Variants in CACNB4 observed in about 807,000 individuals in gnomAD.
CACNB4 encodes calcium voltage-gated channel auxiliary subunit beta 4.
In CACNB4, 32 loss-of-function variants were observed where a neutral mutation model predicts 71.2. The observed-to-expected ratio is 0.45, with a 90% confidence interval of 0.34 to 0.60. The LOEUF is 0.60. CACNB4 is among the 20% of genes least tolerant of loss of function. The pLI is 0.01. For synonymous variants in CACNB4, 231 were observed against 236.9 expected (o/e 0.97, Z 0.23); for missense variants, 464 against 647.9 (o/e 0.72, Z 3.08).
intron 2 of CACNB4, among the ~76,000 whole-genome samples, chr2:152,049,625 C>T (rs1685317367): frequency 6.6e-6 from 1 of 151,918 alleles, no homozygotes; most frequent in African/African-American, 2.4e-5. Flanking sequence ...CTCTCTCTCC[C>T]TGACCTTCTT....
intron 6 of CACNB4, 140 bp downstream of exon 6, chr2:151,872,277 T>C (rs2099844838): frequency 3.2e-6 from 2 of 617,092 alleles, no homozygotes; most frequent in South Asian, 3.6e-5. Flanking sequence ...AGAAAACAAA[T>C]GAGAAATGAA....
intron 9 of CACNB4, among the ~76,000 whole-genome samples, chr2:151,862,584 T>A (rs1196740943): frequency 2.6e-5 from 4 of 152,216 alleles, no homozygotes; most frequent in Non-Finnish European, 5.9e-5. Flanking sequence ...CCAGCTTCAC[T>A]ATCCTCAGTG....
chr2:151,914,966 G>A (rs188698825), intron 2 of CACNB4, among the ~76,000 whole-genome samples: 12 of 152,272 alleles, frequency 7.9e-5, no homozygotes, highest in African/African-American at 2.2e-4. Context: ...TGAGTGGCAC[G>A]GGGAGCAGGA....
intron 3 of CACNB4, among the ~76,000 whole-genome samples, chr2:151,881,543 G>T (rs1220677150): frequency 1.3e-5 from 2 of 152,226 alleles, no homozygotes; most frequent in Non-Finnish European, 2.9e-5. Flanking sequence ...GGCTGGCACA[G>T]CACTGTGGGG....
chr2:151,978,606 C>T (rs993491222), intron 2 of CACNB4, among the ~76,000 whole-genome samples: 1 of 152,124 alleles, frequency 6.6e-6, no homozygotes, highest in African/African-American at 2.4e-5. Flanking sequence ...AATTAAAAGC[C>T]TTGGTCTAAT....
chr2:151,889,701 T>A (rs1480579432), intron 2 of CACNB4, among the ~76,000 whole-genome samples: 5 of 152,138 alleles, frequency 3.3e-5, no homozygotes, highest in African/African-American at 4.8e-5. Context: ...TAGGCTATCT[T>A]TATCTTGACA....
At chr2:151,982,749 G>A (rs1560108241) in intron 2 of CACNB4, among the ~76,000 whole-genome samples, 1 of 152,132 alleles carries the variant, frequency 6.6e-6, no homozygotes, top group Admixed American at 6.5e-5. Flanking sequence ...AAAGTTAATA[G>A]GATAAAGAAG....
chr2:151,987,108 T>TA (rs1681414821), intron 2 of CACNB4, among the ~76,000 whole-genome samples: 1 of 152,042 alleles, frequency 6.6e-6, no homozygotes, highest in Non-Finnish European at 1.5e-5. Context: ...ACATGAAAAG[T>TA]AAGGGATGGA....
chr2:152,008,770 G>A (rs1313528355), intron 2 of CACNB4, among the ~76,000 whole-genome samples: 1 of 152,140 alleles, frequency 6.6e-6, no homozygotes. Context: ...ATGATCTCTT[G>A]CAGCCTGGGT....
intron 12 of CACNB4, among the ~76,000 whole-genome samples, chr2:151,848,617 A>G (rs752557103): frequency 6.6e-6 from 1 of 152,200 alleles, no homozygotes; most frequent in Non-Finnish European, 1.5e-5. Context: ...CAGAGTGACC[A>G]TGGTTACTGT....
intron 12 of CACNB4, among the ~76,000 whole-genome samples, chr2:151,846,766 G>A (rs1226891351): frequency 6.6e-6 from 1 of 151,940 alleles, no homozygotes; most frequent in Non-Finnish European, 1.5e-5. Flanking sequence ...TGTTGCCCAG[G>A]CTCATATTGA....
intron 2 of CACNB4, among the ~76,000 whole-genome samples, chr2:151,909,276 CA>C (rs1388372771): frequency 4.7e-5 from 7 of 150,326 alleles, no homozygotes; most frequent in South Asian, 2.1e-4. Flanking sequence ...ATTAAAAATA[CA>C]AAAAAAAATC....
intron 2 of CACNB4, among the ~76,000 whole-genome samples, chr2:151,982,409 A>G (rs751137321): frequency 1.8e-4 from 28 of 152,180 alleles, no homozygotes; most frequent in East Asian, 5.8e-4. Context: ...CAAGGCGGGC[A>G]GATCACGAGG....
At chr2:151,873,079 C>A (rs980480427) in intron 5 of CACNB4, 1 of 152,040 alleles carries the variant, frequency 6.6e-6, no homozygotes, top group Non-Finnish European at 1.5e-5. Flanking sequence ...ATGACTGTAA[C>A]AATTAAGAAA....
At chr2:151,904,967 A>G (rs1305479791) in intron 2 of CACNB4, among the ~76,000 whole-genome samples, 1 of 152,218 alleles carries the variant, frequency 6.6e-6, no homozygotes, top group East Asian at 1.9e-4. Flanking sequence ...ACATTCTGAA[A>G]TGTAATGCAT....
chr2:151,875,285 T>C (rs568639718), intron 5 of CACNB4, among the ~76,000 whole-genome samples: 208 of 148,104 alleles, frequency 1.4e-3, no homozygotes, highest in Non-Finnish European at 2.2e-3. Flanking sequence ...ACACAGCACA[T>C]GTTTCAGAGA....
chr2:151,954,968 C>T (rs2099867855), intron 2 of CACNB4, among the ~76,000 whole-genome samples: 4 of 151,680 alleles, frequency 2.6e-5, no homozygotes, highest in Admixed American at 2.6e-4. Context: ...ATTCTCCCGC[C>T]TCAGCCTCCC....
chr2:152,076,638 T>C (rs1469274424), intron 2 of CACNB4, among the ~76,000 whole-genome samples: 9 of 152,198 alleles, frequency 5.9e-5, no homozygotes, highest in African/African-American at 1.9e-4. Flanking sequence ...TTAAAAGATA[T>C]CTTAATTCTT....
intron 2 of CACNB4, among the ~76,000 whole-genome samples, chr2:151,985,868 A>G (rs1230650024): frequency 6.6e-6 from 1 of 152,196 alleles, no homozygotes; most frequent in Non-Finnish European, 1.5e-5. Flanking sequence ...ATGGCTCTCA[A>G]CAACGGCAGA....
Sources: gnomAD v4.1 joint callset for allele counts (sites outside exome capture counted in the v4.1 genomes callset) on GRCh38, gnomAD v4.1.1 for gene constraint, MANE v1.5 for transcripts, NCBI Gene and HGNC (gene_info 2026-07-23, HGNC 2026-07-21) for gene names.